Variants in NRXN3 observed in about 807,000 individuals in gnomAD.
NRXN3 encodes the protein neurexin III.
NRXN3 carries 32 observed loss-of-function variants against 137.6 expected under a neutral mutation model. That is an observed-to-expected ratio of 0.23 (90% CI 0.18 to 0.31). The LOEUF is 0.31. NRXN3 is among the 10% of genes least tolerant of loss of function. NRXN3 has a pLI of 1.00. For synonymous variants in NRXN3, 798 were observed against 784.5 expected, an observed-to-expected ratio of 1.02 and a Z score of -0.29; for missense variants, 1,574 against 2,062.5, an observed-to-expected ratio of 0.76 and a Z score of 4.59.
At chr14:78,195,630 G>A (rs952448818) in intron 1 of NRXN3, among the ~76,000 whole-genome samples, 2 of 152,192 alleles carry the variant, frequency 1.3e-5, no homozygotes, top group Admixed American at 6.5e-5. Context: ...CGAGAGCAAC[G>A]GAAGAGCTGA....
chr14:79,618,950 T>G (rs2153894620), intron 16 of NRXN3, among the ~76,000 whole-genome samples: 1 of 152,266 alleles, frequency 6.6e-6, no homozygotes, highest in Non-Finnish European at 1.5e-5. Context: ...TGCATTTCTC[T>G]AACTAGTGAT....
intron 1 of NRXN3, among the ~76,000 whole-genome samples, chr14:78,215,882 A>C (rs1416633399): frequency 6.6e-6 from 1 of 152,128 alleles, no homozygotes; most frequent in East Asian, 1.9e-4. Flanking sequence ...TCTTAAGGGC[A>C]TCCCTCCCAG....
chr14:79,808,021 C>G (rs1006323535), intron 20 of NRXN3, among the ~76,000 whole-genome samples: 1 of 151,856 alleles, frequency 6.6e-6, no homozygotes, highest in African/African-American at 2.4e-5. Context: ...TAAGAAATAT[C>G]TCCTCAGAAG....
chr14:79,500,963 A>G (rs2096820745), intron 16 of NRXN3, among the ~76,000 whole-genome samples: 1 of 152,084 alleles, frequency 6.6e-6, no homozygotes, highest in Non-Finnish European at 1.5e-5. Flanking sequence ...TTTTTTCATA[A>G]ATAATAAGAG....
At chr14:78,669,167 T>C (rs553282999) in intron 6 of NRXN3, among the ~76,000 whole-genome samples, 20 of 152,138 alleles carry the variant, frequency 1.3e-4, no homozygotes, top group Admixed American at 2.0e-4. Flanking sequence ...AGTAATTCCA[T>C]AGAGAGAGAA....
intron 5 of NRXN3, among the ~76,000 whole-genome samples, chr14:78,648,005 G>A (rs912909837): frequency 2.6e-5 from 4 of 152,124 alleles, no homozygotes; most frequent in Non-Finnish European, 5.9e-5. Context: ...GGGGTTTCCC[G>A]GAGTACTTAT....
At chr14:79,537,913 G>A (rs2153729622) in intron 16 of NRXN3, among the ~76,000 whole-genome samples, 1 of 152,286 alleles carries the variant, frequency 6.6e-6, no homozygotes, top group East Asian at 1.9e-4. Flanking sequence ...CACCAACAGT[G>A]TCAAAGTGTT....
chr14:79,289,215 A>G (rs977797122), intron 15 of NRXN3, among the ~76,000 whole-genome samples: 1 of 152,188 alleles, frequency 6.6e-6, no homozygotes, highest in Non-Finnish European at 1.5e-5. Context: ...ACACTTTCTT[A>G]AATTACAAAC....
chr14:78,593,073 T>G (rs1273371265), intron 4 of NRXN3, among the ~76,000 whole-genome samples: 1 of 152,210 alleles, frequency 6.6e-6, no homozygotes, highest in Non-Finnish European at 1.5e-5. Context: ...CTCCACTGTG[T>G]TCTCTGACCA....
intron 19 of NRXN3, among the ~76,000 whole-genome samples, chr14:79,749,073 T>C (rs2098988764): frequency 6.6e-6 from 1 of 152,188 alleles, no homozygotes; most frequent in East Asian, 1.9e-4. Flanking sequence ...GAGGCTTTTC[T>C]CTTGATCTAA....
Position 78,313,494 on chromosome 14 carries a change from T to TA in NRXN3, c.757+15636dup, listed in dbSNP as rs550872056. 1.1e-4 allele frequency among the ~76,000 whole-genome samples: 16 copies of TA among 151,150 alleles called. No homozygotes were observed. In the South Asian group the frequency reaches 1.3e-3, roughly 12 times the overall value. On this transcript the variant is annotated intron_variant, in intron 4 of 20. Coordinates refer to ENST00000335750, the MANE Select transcript of NRXN3 (RefSeq NM_001330195.2). ...TTCTTTAAATAAAGGTTTTTTTTTTTAACAAAACTTTCTCGTATCAGTTTA... is the reference window on the plus strand; with the variant it reads ...TTCTTTAAATAAAGGTTTTTTTTTTTAAACAAAACTTTCTCGTATCAGTTTA...
At chr14:79,151,749 T>C (rs928535013) in intron 15 of NRXN3, among the ~76,000 whole-genome samples, 1 of 152,044 alleles carries the variant, frequency 6.6e-6, no homozygotes, top group Admixed American at 6.6e-5. Flanking sequence ...CCGTGATGTG[T>C]CAGCAGCCTC....
chr14:78,288,503 T>C (rs1250475207), intron 3 of NRXN3, among the ~76,000 whole-genome samples: 2 of 152,230 alleles, frequency 1.3e-5, no homozygotes, highest in Non-Finnish European at 2.9e-5. Flanking sequence ...TTTGACTTTG[T>C]TAAATCCAGC....
chr14:78,757,662 G>A (rs745880005), intron 8 of NRXN3, among the ~76,000 whole-genome samples: 12 of 152,200 alleles, frequency 7.9e-5, no homozygotes, highest in Non-Finnish European at 1.8e-4. Context: ...TGAATGCAGT[G>A]TGGTATCCTG....
chr14:79,529,137 G>A (rs560526321), intron 16 of NRXN3, among the ~76,000 whole-genome samples: 75 of 152,172 alleles, frequency 4.9e-4, no homozygotes, highest in African/African-American at 1.7e-3. Flanking sequence ...CTCAAAATCC[G>A]AGCTCTCTGA....
intron 6 of NRXN3, among the ~76,000 whole-genome samples, chr14:78,705,134 A>G (rs1203709020): frequency 1.3e-5 from 2 of 152,098 alleles, no homozygotes; most frequent in Non-Finnish European, 2.9e-5. Context: ...ATCTTCCCCC[A>G]TGGGGAGCCG....
chr14:79,663,609 C>T (rs1037246810), intron 16 of NRXN3, among the ~76,000 whole-genome samples, 169 bp from the exon 17 acceptor site: 3 of 152,064 alleles, frequency 2.0e-5, no homozygotes, highest in Admixed American at 2.0e-4. Context: ...GGTTTTTATG[C>T]TCAGGATGAA....
At chr14:79,465,398 G>A (rs1247886443) in intron 15 of NRXN3, among the ~76,000 whole-genome samples, 1 of 152,096 alleles carries the variant, frequency 6.6e-6, no homozygotes, top group Admixed American at 6.6e-5. Context: ...CCTAAGGATC[G>A]AGAAATTCAT....
intron 15 of NRXN3, among the ~76,000 whole-genome samples, chr14:78,999,081 T>A (rs917954496): frequency 6.6e-6 from 1 of 152,190 alleles, no homozygotes; most frequent in Non-Finnish European, 1.5e-5. Context: ...AATTAACAAA[T>A]GTTTTCAAAC....
Sources: gnomAD v4.1 joint callset for allele counts (sites outside exome capture counted in the v4.1 genomes callset) on GRCh38, gnomAD v4.1.1 for gene constraint, MANE v1.5 for transcripts, NCBI Gene and HGNC (gene_info 2026-07-23, HGNC 2026-07-21) for gene names.